Variants in CATSPERE observed in about 807,000 individuals in gnomAD.
CATSPERE encodes the protein cation channel sperm-associated auxiliary subunit epsilon.
A neutral mutation model predicts 114.1 loss-of-function variants in CATSPERE; 93 were observed. The ratio of observed to expected loss-of-function variants is 0.81; its 90% CI spans 0.69 to 0.97. CATSPERE has a LOEUF of 0.97. Ranked by LOEUF, CATSPERE falls within the 50% of genes least tolerant of loss-of-function variation. CATSPERE has a pLI of 0.00. For synonymous variants in CATSPERE, 341 were observed against 384.1 expected (o/e 0.89, Z 1.31); for missense variants, 1,058 against 1,131.6 (o/e 0.93, Z 0.93).
intron 11 of CATSPERE, among the ~76,000 whole-genome samples, chr1:244,576,667 ATGTGAGCATTTTAC>A (rs1381571331): frequency 6.6e-6 from 1 of 152,048 alleles, no homozygotes; most frequent in Non-Finnish European, 1.5e-5. Context: ...TAATATCATA[ATGTGAGCATTTTAC>A]ATGTTACTTC....
chr1:244,478,628 G>A (rs1409179418), intron 4 of CATSPERE, among the ~76,000 whole-genome samples: 1 of 152,222 alleles, frequency 6.6e-6, no homozygotes, highest in African/African-American at 2.4e-5. Context: ...GGCACAAGTA[G>A]ACAGAGCGAT....
chr1:244,461,042 C>G (rs1666658476), upstream of CATSPERE, among the ~76,000 whole-genome samples: 1 of 152,248 alleles, frequency 6.6e-6, no homozygotes, highest in Non-Finnish European at 1.5e-5. Context: ...GACACACTAC[C>G]TTAAAAGTTT....
At chr1:244,477,816 T>C in intron 3 of CATSPERE, 90 bp from the exon 4 acceptor site, 1 of 1,120,520 alleles carries the variant, frequency 8.9e-7, no homozygotes, top group Non-Finnish European at 1.3e-6. Flanking sequence ...CAGCATACAA[T>C]TGAAATTTTT....
chr1:244,606,301 G>A (rs895415993), intron 18 of CATSPERE, among the ~76,000 whole-genome samples: 5 of 151,976 alleles, frequency 3.3e-5, no homozygotes, highest in South Asian at 4.2e-4. Flanking sequence ...TTTGTAGGCC[G>A]CAGCAGAGTG....
intron 11 of CATSPERE, among the ~76,000 whole-genome samples, chr1:244,579,287 A>G (rs1250457522): frequency 6.6e-6 from 1 of 152,088 alleles, no homozygotes; most frequent in Admixed American, 6.6e-5. Flanking sequence ...GCACCTTTAC[A>G]TTTGTTTATA....
intron 8 of CATSPERE, among the ~76,000 whole-genome samples, chr1:244,538,994 T>C (rs3003246): frequency 0.99 from 150,199 of 152,278 alleles, 74,112 homozygotes; most frequent in Middle Eastern, 1. Context: ...ATAGGTCAGC[T>C]GCACGTCGCT....
At chr1:244,465,523 C>T (rs1298049463) in intron 2 of CATSPERE, among the ~76,000 whole-genome samples, 1 of 152,098 alleles carries the variant, frequency 6.6e-6, no homozygotes, top group Admixed American at 6.5e-5. Flanking sequence ...TTAAACAACT[C>T]ACTGTTCCCC....
chr1:244,562,946 C>G (rs1326023089), intron 10 of CATSPERE, among the ~76,000 whole-genome samples: 1 of 152,146 alleles, frequency 6.6e-6, no homozygotes, highest in Non-Finnish European at 1.5e-5. Context: ...GATGTGTTCT[C>G]ATTGTTCAAC....
rs565526271 is a variant in CATSPERE at position 244,498,118 on chromosome 1, C to T, written c.352-884C>T. ...ATTATAATGGCAAGGGAGAAACAAACGTTTATCAGTAGGTTACTGGTTAAA... is the reference window on the plus strand; with the variant it reads ...ATTATAATGGCAAGGGAGAAACAAATGTTTATCAGTAGGTTACTGGTTAAA... On this transcript the variant is annotated intron_variant, in intron 6 of 21. Coordinates refer to ENST00000366534, the MANE Select transcript of CATSPERE (RefSeq NM_001130957.2). Among the ~76,000 whole-genome samples, 8 of 152,232 alleles carry T rather than the reference C, an allele frequency of 5.3e-5. No homozygotes were observed. The East Asian group carries it at 1.5e-3, about 29-fold the overall frequency.
intron 17 of CATSPERE, among the ~76,000 whole-genome samples, chr1:244,600,793 A>T (rs948126458): frequency 1.1e-4 from 16 of 152,008 alleles, no homozygotes; most frequent in Non-Finnish European, 2.1e-4. Flanking sequence ...TCACTGGAAA[A>T]GTCACCACCA....
chr1:244,562,236 CA>C (rs1234114204), intron 10 of CATSPERE, among the ~76,000 whole-genome samples: 1 of 148,644 alleles, frequency 6.7e-6, no homozygotes, highest in African/African-American at 2.5e-5. Flanking sequence ...GGCATGTTTT[CA>C]AAACAATACA....
chr1:244,529,529 T>A (rs977560699), intron 8 of CATSPERE, among the ~76,000 whole-genome samples: 6 of 152,158 alleles, frequency 3.9e-5, no homozygotes, highest in Non-Finnish European at 8.8e-5. Context: ...TTTTTTCCTA[T>A]AGTGTTGTTT....
intron 20 of CATSPERE, among the ~76,000 whole-genome samples, chr1:244,621,062 ATATATAT>A (rs1672087406): frequency 8.7e-5 from 5 of 57,192 alleles, no homozygotes; most frequent in Admixed American, 2.5e-4. Context: ...ATATATATAA[ATATATAT>A]AAAATATATA....
chr1:244,572,251 T>G (rs989542991), intron 10 of CATSPERE, 79 bp from the exon 11 acceptor site: 1 of 712,170 alleles, frequency 1.4e-6, no homozygotes, highest in African/African-American at 1.8e-5. Context: ...AAGAAATTAT[T>G]TTGGTTAAAA....
chr1:244,494,756 G>T (rs1672833385), intron 6 of CATSPERE, among the ~76,000 whole-genome samples: 1 of 152,092 alleles, frequency 6.6e-6, no homozygotes, highest in African/African-American at 2.4e-5. Context: ...TATAGATATT[G>T]TAAGTCTCTA....
At chr1:244,523,132 T>C (rs1338468002) in intron 8 of CATSPERE, among the ~76,000 whole-genome samples, 1 of 147,776 alleles carries the variant, frequency 6.8e-6, no homozygotes, top group Non-Finnish European at 1.5e-5. Flanking sequence ...AAAAAGCTTA[T>C]CCACCATGAT....
At chr1:244,588,967 A>G (rs980063490) in intron 14 of CATSPERE, among the ~76,000 whole-genome samples, 7 of 152,164 alleles carry the variant, frequency 4.6e-5, no homozygotes, top group African/African-American at 1.7e-4. Context: ...AGTTTTCTGC[A>G]CCATTTTCTA....
At chr1:244,625,424 A>ATTTTTT (rs1281579567) in intron 20 of CATSPERE, among the ~76,000 whole-genome samples, 5 of 3,952 alleles carry the variant, frequency 1.3e-3, no homozygotes, top group Admixed American at 5.2e-3. Context: ...ATATATATAT[A>ATTTTTT]TATATATATT....
chr1:244,458,171 G>C (rs868040494), upstream of CATSPERE, among the ~76,000 whole-genome samples: 1 of 152,116 alleles, frequency 6.6e-6, no homozygotes, highest in African/African-American at 2.4e-5. Context: ...CTGGGAGACT[G>C]TGACATTAGA....
Sources: allele counts gnomAD v4.1 joint callset (sites outside exome capture counted in the v4.1 genomes callset), GRCh38; gene constraint gnomAD v4.1.1; transcripts MANE v1.5; gene names NCBI Gene and HGNC (gene_info 2026-07-23, HGNC 2026-07-21).